Variants in STAM observed in about 807,000 individuals in gnomAD.
STAM encodes signal transducing adapter molecule 1.
Under a neutral mutation model 63.4 loss-of-function variants are expected in STAM, and 16 were observed. The observed-to-expected ratio is 0.25, with a 90% CI of 0.17 to 0.38. The LOEUF (loss-of-function observed/expected upper bound fraction) is 0.38, where lower values mean the gene tolerates loss of function less well. Ranked by LOEUF, STAM falls within the 10% of genes least tolerant of loss-of-function variation. STAM has a pLI of 1.00. For missense variants in STAM, 636 were observed against 657.1 expected, an observed-to-expected ratio of 0.97 and a Z score of 0.35; for synonymous variants, 238 against 223.9, an observed-to-expected ratio of 1.06 and a Z score of -0.56.
chr10:17,714,021 G>A (rs1451760682), intron 13 of STAM, among the ~76,000 whole-genome samples: 1 of 152,104 alleles, frequency 6.6e-6, no homozygotes, highest in African/African-American at 2.4e-5. Flanking sequence ...CATGCTTGGT[G>A]TTTTCTCTCC....
At chr10:17,647,277 G>A (rs1833554741) in intron 1 of STAM, among the ~76,000 whole-genome samples, 1 of 152,208 alleles carries the variant, frequency 6.6e-6, no homozygotes, top group African/African-American at 2.4e-5. Flanking sequence ...AAAGTCTCTA[G>A]TGACTTCCAC....
chr10:17,663,440 A>G (rs1028247030), intron 2 of STAM, among the ~76,000 whole-genome samples: 1 of 152,126 alleles, frequency 6.6e-6, no homozygotes, highest in Non-Finnish European at 1.5e-5. Context: ...TTGACATTAT[A>G]CTAAGTCTAT....
At chr10:17,685,216 T>C (rs1471812864) in intron 4 of STAM, among the ~76,000 whole-genome samples, 1 of 152,216 alleles carries the variant, frequency 6.6e-6, no homozygotes, top group Non-Finnish European at 1.5e-5. Flanking sequence ...ATAATATCAG[T>C]CTATTTTACA....
At chr10:17,671,231 T>C (rs1834628208) in intron 2 of STAM, among the ~76,000 whole-genome samples, 1 of 152,216 alleles carries the variant, frequency 6.6e-6, no homozygotes, top group African/African-American at 2.4e-5. Context: ...CCTTGAATGG[T>C]AAACCACAGT....
chr10:17,663,551 C>G (rs1354074400), intron 2 of STAM, among the ~76,000 whole-genome samples: 3 of 151,854 alleles, frequency 2.0e-5, no homozygotes, highest in African/African-American at 7.3e-5. Context: ...TCTTCCTTCC[C>G]TCCTTTTTCT....
At chr10:17,659,703 TCCTC>T (rs1834087071) in intron 1 of STAM, among the ~76,000 whole-genome samples, 1 of 151,984 alleles carries the variant, frequency 6.6e-6, no homozygotes, top group African/African-American at 2.4e-5. Flanking sequence ...CCTCAAGTGA[TCCTC>T]CCACCTCGGC....
intron 5 of STAM, among the ~76,000 whole-genome samples, chr10:17,690,025 TA>T (rs1835462989): frequency 6.6e-6 from 1 of 152,346 alleles, no homozygotes; most frequent in African/African-American, 2.4e-5. Context: ...CTTGTTTGGT[TA>T]ATCTAGAATC....
At chr10:17,692,874 T>G (rs532634012) in intron 5 of STAM, among the ~76,000 whole-genome samples, 3 of 152,328 alleles carry the variant, frequency 2.0e-5, no homozygotes, top group Non-Finnish European at 4.4e-5. Flanking sequence ...GTCATCTCTT[T>G]CTGTCTCCCA....
chr10:17,685,451 C>A (rs145636613), intron 4 of STAM, among the ~76,000 whole-genome samples: 57 of 152,172 alleles, frequency 3.7e-4, no homozygotes, highest in African/African-American at 7.5e-4. Context: ...CCAAACTGTT[C>A]CAGATAGGGC....
intron 2 of STAM, among the ~76,000 whole-genome samples, chr10:17,667,813 A>G (rs1329229406): frequency 6.6e-6 from 1 of 152,252 alleles, no homozygotes; most frequent in African/African-American, 2.4e-5. Context: ...GAAAGAAGCA[A>G]TAGTCTGTAG....
chr10:17,703,008 CAA>C lies in STAM; in HGVS notation c.913-1405_913-1404del, dbSNP rs71507229. 4.0e-4 allele frequency among the ~76,000 whole-genome samples: 27 copies of C among 67,872 alleles called. No individual in the cohort carries two copies. The East Asian group carries it at 4.5e-3, about 11-fold the overall frequency. The allele number at this position is 67,872 out of a possible 152,430, so 44.5% of individuals were successfully genotyped here. A position where few individuals can be genotyped will look rare whatever the true frequency, so the allele number is the denominator to read the frequency against. ...TGGGAGACAGAGTAAGACTCCATCT[CAA>C]AAAAAAAAAAAAAAAAAGAAAAGAA... On this transcript the variant is annotated intron_variant, in intron 9 of 13. Transcript: ENST00000377524.
In STAM at chr10:17,696,754, A is replaced by G. The variant is rs184084771; in HGVS notation, c.729-21A>G. 4.1e-5 allele frequency: 62 copies of G among 1,523,762 alleles called. No individual in the cohort carries two copies. The East Asian group carries it at 1.3e-3, about 31-fold the overall frequency. The allele number at this position is 1,523,762 out of a possible 1,614,324, so 94.4% of individuals were successfully genotyped here. A position where few individuals can be genotyped will look rare whatever the true frequency, so the allele number is the denominator to read the frequency against. ...ATAAATACATTTGTTATGGTAAAGC[A>G]TTGTTTTTTGTTTGTCATAGTGATC... On this transcript the variant is annotated intron_variant, in intron 7 of 13. Coordinates refer to ENST00000377524, the MANE Select transcript of STAM (RefSeq NM_003473.4).
Position 17,704,442 on chromosome 10 carries a change from C to T in STAM, c.924C>T (p.Asp308=), listed in dbSNP as rs782802702. The change falls in exon 10 of 14, where the codon GAC becomes GAT. Residue 308 remains aspartate (D), a synonymous_variant. Coordinates refer to ENST00000377524, the MANE Select transcript of STAM (RefSeq NM_003473.4). The stretch of plus-strand genomic sequence containing the variant: ...CTTAATTCCTGTAGGATAAAATGGA[C>T]CAGTTGCTACAGATGCTGCAAAGTA... ...EPAFIDEDKM[D]QLLQMLQSTD... 1 of 1,613,550 alleles carries T rather than the reference C, an allele frequency of 6.2e-7. No homozygotes were observed.
chr10:17,687,426 T>C (rs1459208997), intron 4 of STAM, among the ~76,000 whole-genome samples: 1 of 151,974 alleles, frequency 6.6e-6, no homozygotes, highest in Non-Finnish European at 1.5e-5. Context: ...GAGGCGGAGG[T>C]TGCAGTGTGC....
chr10:17,683,273 C>T (rs1035486673), intron 2 of STAM, among the ~76,000 whole-genome samples: 1 of 152,092 alleles, frequency 6.6e-6, no homozygotes, highest in Non-Finnish European at 1.5e-5. Flanking sequence ...AAGTGAACCT[C>T]CCACCTCAGG....
chr10:17,699,288 A>G (rs1835890541), intron 8 of STAM, among the ~76,000 whole-genome samples: 1 of 152,232 alleles, frequency 6.6e-6, no homozygotes, highest in Admixed American at 6.5e-5. Context: ...AGCATATTCA[A>G]TAGTTTAATA....
chr10:17,648,550 TCA>T (rs1446320690), intron 1 of STAM, among the ~76,000 whole-genome samples: 5 of 152,152 alleles, frequency 3.3e-5, no homozygotes, highest in African/African-American at 1.2e-4. Flanking sequence ...GCTGTAACAC[TCA>T]CCACAAAGGT....
intron 12 of STAM, among the ~76,000 whole-genome samples, chr10:17,707,630 A>G (rs544549404): frequency 6.6e-6 from 1 of 152,020 alleles, no homozygotes; most frequent in South Asian, 2.1e-4. Flanking sequence ...AAAAACCTTC[A>G]TGTTCAATTT....
At position 17,715,352 on chromosome 10, in the gene STAM, A is replaced by G. The variant is rs1257349281; in HGVS notation, c.*572A>G. On this transcript the variant is annotated 3_prime_UTR_variant, in exon 14 of 14. Coordinates refer to ENST00000377524, the MANE Select transcript of STAM (RefSeq NM_003473.4). ...ATGTTGTCGTGTGTTTCAGTTTCAC[A>G]TTAAACTGAACCTTTTACTAATTGT... 1.9e-5 allele frequency: 3 copies of G among 160,896 alleles called. No homozygotes were observed. Among genetic ancestry groups the G allele is most frequent in the African/African-American group, 7.2e-5 (3 of 41,480 alleles). The allele number at this position is 160,896 out of a possible 1,614,324, so 10.0% of individuals were successfully genotyped here.
Sources: gnomAD v4.1 joint callset for allele counts (sites outside exome capture counted in the v4.1 genomes callset) on GRCh38, gnomAD v4.1.1 for gene constraint, MANE v1.5 for transcripts, NCBI Gene and HGNC (gene_info 2026-07-23, HGNC 2026-07-21) for gene names.